Variants in CDH1 observed in about 807,000 individuals in gnomAD.
CDH1 encodes the protein cadherin-1.
CDH1 carries 35 observed loss-of-function variants against 84.5 expected under a neutral mutation model. The observed-to-expected ratio is 0.41, with a 90% CI of 0.32 to 0.55. The LOEUF (loss-of-function observed/expected upper bound fraction) is 0.55. Ranked by LOEUF, CDH1 falls within the 20% of genes least tolerant of loss-of-function variation. CDH1 has a pLI of 0.19. For synonymous variants in CDH1, 417 were observed against 439.0 expected (o/e 0.95, Z 0.63); for missense variants, 994 against 1,126.6 (o/e 0.88, Z 1.68).
intron 2 of CDH1, among the ~76,000 whole-genome samples, chr16:68,785,440 C>T (rs1299237934): frequency 3.3e-5 from 5 of 152,172 alleles, no homozygotes; most frequent in South Asian, 2.1e-4. Context: ...GATCCACCCA[C>T]CTCAGCTTCC....
At chr16:68,756,887 A>AGCTTCATGGGAG (rs1372955276) in intron 2 of CDH1, among the ~76,000 whole-genome samples, 2 of 152,106 alleles carry the variant, frequency 1.3e-5, no homozygotes, top group Admixed American at 1.3e-4. Context: ...CTGTGATCCC[A>AGCTTCATGGGAG]GCTTCATGGG....
intron 2 of CDH1, among the ~76,000 whole-genome samples, chr16:68,755,105 C>T (rs544692955): frequency 3.3e-5 from 5 of 151,880 alleles, no homozygotes; most frequent in South Asian, 4.1e-4. Flanking sequence ...GATAGAACCC[C>T]GCCTCTACAA....
intron 3 of CDH1, among the ~76,000 whole-genome samples, chr16:68,804,216 C>A (rs531800973): frequency 2.0e-5 from 3 of 149,044 alleles, no homozygotes; most frequent in South Asian, 2.1e-4. Flanking sequence ...CGGATTCATG[C>A]CATTCTCCTG....
At chr16:68,758,155 C>T (rs1963066109) in intron 2 of CDH1, among the ~76,000 whole-genome samples, 1 of 149,414 alleles carries the variant, frequency 6.7e-6, no homozygotes, top group Admixed American at 6.7e-5. Flanking sequence ...TGTGTCCCTC[C>T]CCTCTATCCC....
chr16:68,832,948 A>G (rs1961524345), intron 15 of CDH1, among the ~76,000 whole-genome samples: 2 of 151,198 alleles, frequency 1.3e-5, no homozygotes, highest in African/African-American at 4.8e-5. Context: ...TGCAGCCTGC[A>G]TGCACCAGTA....
At chr16:68,811,396 CAAAAAAAAA>C (rs1158343325) in intron 6 of CDH1, among the ~76,000 whole-genome samples, 3 of 77,766 alleles carry the variant, frequency 3.9e-5, no homozygotes, top group Non-Finnish European at 8.6e-5. Flanking sequence ...AACTCCGTCT[CAAAAAAAAA>C]AAAAAAAAAA....
chr16:68,755,882 G>A (rs963363814), intron 2 of CDH1, among the ~76,000 whole-genome samples: 2 of 151,108 alleles, frequency 1.3e-5, no homozygotes, highest in Non-Finnish European at 2.9e-5. Context: ...TCCCACCTCA[G>A]CCTCCGGTGT....
chr16:68,745,116 G>C (rs1962687502), intron 2 of CDH1, among the ~76,000 whole-genome samples: 1 of 151,466 alleles, frequency 6.6e-6, no homozygotes, highest in South Asian at 2.1e-4. Flanking sequence ...GGGAGGAGTG[G>C]GGCAAGGCGC....
In CDH1 at chr16:68,767,320, G is replaced by A. The variant is rs57776770; in HGVS notation, c.163+28909G>A. On this transcript the variant is annotated intron_variant, in intron 2 of 15. Transcript: ENST00000261769. ...AGCACTTCTCCCGCCTCAGCCTCCCGAGTAGCTGGGATTACAGGGGTGTGC... is the reference window on the plus strand; with the variant it reads ...AGCACTTCTCCCGCCTCAGCCTCCCAAGTAGCTGGGATTACAGGGGTGTGC... Among the ~76,000 whole-genome samples the A allele has an allele frequency of 6.2e-3, 947 of 151,770 alleles. 12 individuals are homozygous for A. Among genetic ancestry groups the A allele is most frequent in the African/African-American group, 0.022 (893 of 41,390 alleles).
At chr16:68,798,156 G>C (rs1960412462) in intron 2 of CDH1, among the ~76,000 whole-genome samples, 1 of 152,126 alleles carries the variant, frequency 6.6e-6, no homozygotes, top group Non-Finnish European at 1.5e-5. Flanking sequence ...TTGGGATTTG[G>C]TTTTTACACC....
chr16:68,813,692 G>C, intron 9 of CDH1, 197 bp downstream of exon 9: 1 of 716,220 alleles, frequency 1.4e-6, no homozygotes, highest in Non-Finnish European at 2.6e-6. Context: ...GCTGTGTGTG[G>C]TGGCTCACGC....
intron 1 of CDH1, among the ~76,000 whole-genome samples, chr16:68,737,733 C>A (rs1962439020): frequency 6.6e-6 from 1 of 151,924 alleles, no homozygotes; most frequent in South Asian, 2.1e-4. Context: ...GCGGGGTGGG[C>A]TCGCGCGGGC....
At chr16:68,787,042 C>T (rs1321432509) in intron 2 of CDH1, among the ~76,000 whole-genome samples, 2 of 152,190 alleles carry the variant, frequency 1.3e-5, no homozygotes, top group African/African-American at 4.8e-5. Flanking sequence ...AATTCCACAA[C>T]GGCTTTCCTG....
At position 68,833,602 on chromosome 16, in the gene CDH1, A is replaced by C; in HGVS notation, c.*103A>C. 2 of 866,094 alleles carry C rather than the reference A, an allele frequency of 2.3e-6. No homozygotes were observed. Among genetic ancestry groups the C allele is most frequent in the Non-Finnish European group, 3.9e-6 (2 of 514,144 alleles). 53.7% of individuals were successfully genotyped at this position (866,094 alleles called of 1,614,324 possible). ...CTTCCCTTGAGATGAGTTTCTGGGG[A>C]AAAAAAAGAGACTGGTTAGTGATGC... On this transcript the variant is annotated 3_prime_UTR_variant, in exon 16 of 16. Transcript: ENST00000261769.
intron 2 of CDH1, among the ~76,000 whole-genome samples, chr16:68,789,216 A>C (rs1354609635): frequency 6.6e-6 from 1 of 151,934 alleles, no homozygotes; most frequent in Admixed American, 6.6e-5. Flanking sequence ...TTTTGTAGAG[A>C]TGGGCTCTCC....
At chr16:68,821,643 G>A (rs932870559) in intron 11 of CDH1, among the ~76,000 whole-genome samples, 4 of 152,146 alleles carry the variant, frequency 2.6e-5, no homozygotes, top group African/African-American at 9.7e-5. Context: ...GCAGGAAAGT[G>A]CAGAAAAAGG....
At chr16:68,754,244 A>C (rs1962965085) in intron 2 of CDH1, among the ~76,000 whole-genome samples, 1 of 151,888 alleles carries the variant, frequency 6.6e-6, no homozygotes, top group Non-Finnish European at 1.5e-5. Flanking sequence ...CCCTGTCTCT[A>C]CAAAAGATTT....
chr16:68,802,587 C>T (rs1331729915), intron 3 of CDH1, among the ~76,000 whole-genome samples: 1 of 152,000 alleles, frequency 6.6e-6, no homozygotes, highest in African/African-American at 2.4e-5. Context: ...CCTCCTGCCT[C>T]CACCTCCTGA....
intron 8 of CDH1, 128 bp from the exon 9 acceptor site, chr16:68,813,185 C>T: frequency 1.0e-6 from 1 of 960,224 alleles, no homozygotes; most frequent in East Asian, 2.5e-5. Context: ...CAAATACACT[C>T]CAGCCTGGTG....
Sources: gnomAD v4.1 joint callset for allele counts (sites outside exome capture counted in the v4.1 genomes callset) on GRCh38, gnomAD v4.1.1 for gene constraint, MANE v1.5 for transcripts, NCBI Gene and HGNC (gene_info 2026-07-23, HGNC 2026-07-21) for gene names.